The following FSTL5 variants were observed in gnomAD, a reference collection of about 807,000 sequenced individuals.
FSTL5 encodes the protein follistatin like 5.
A neutral mutation model predicts 89.1 loss-of-function variants in FSTL5; 62 were observed. The observed-to-expected ratio is 0.70, with a 90% CI of 0.57 to 0.86. The LOEUF is 0.86. FSTL5 is among the 40% of genes least tolerant of loss of function. The probability of loss-of-function intolerance (pLI) is 0.00; values close to 1 mark genes in which losing one functional copy is unlikely to be tolerated. For synonymous variants in FSTL5, 383 were observed against 346.2 expected (o/e 1.11, Z -1.18); for missense variants, 1,057 against 1,001.6 (o/e 1.06, Z -0.75).
chr4:161,848,127 C>G (rs1427453337), intron 4 of FSTL5, among the ~76,000 whole-genome samples: 2 of 150,410 alleles, frequency 1.3e-5, no homozygotes, highest in Non-Finnish European at 3.0e-5. Context: ...AGGTAATCGT[C>G]TGCAGCATTG....
intron 6 of FSTL5, among the ~76,000 whole-genome samples, chr4:161,714,409 ACAGACATAAAACATTC>A (rs1390462693): frequency 6.6e-6 from 1 of 151,976 alleles, no homozygotes; most frequent in African/African-American, 2.4e-5. Context: ...TACTTAATAT[ACAGACATAAAACATTC>A]CAGAAATAAT....
chr4:161,957,601 A>G (rs751819733), intron 3 of FSTL5, among the ~76,000 whole-genome samples: 6 of 152,110 alleles, frequency 3.9e-5, no homozygotes, highest in Non-Finnish European at 7.4e-5. Context: ...GGGGAGGCAG[A>G]CATGCAGAAA....
At chr4:161,488,769 A>G (rs1729766623) in intron 12 of FSTL5, among the ~76,000 whole-genome samples, 1 of 152,166 alleles carries the variant, frequency 6.6e-6, no homozygotes, top group East Asian at 1.9e-4. Flanking sequence ...AAATTATAAC[A>G]GTCTACATGT....
chr4:161,831,922 A>G (rs1025888263), intron 4 of FSTL5, among the ~76,000 whole-genome samples: 4 of 151,966 alleles, frequency 2.6e-5, no homozygotes, highest in Admixed American at 2.0e-4. Context: ...GAAAATAATG[A>G]CTTGTGGCTT....
chr4:161,977,922 C>T (rs1735711497), intron 3 of FSTL5, among the ~76,000 whole-genome samples: 1 of 151,986 alleles, frequency 6.6e-6, no homozygotes, highest in South Asian at 2.1e-4. Flanking sequence ...GTTTATATTA[C>T]CACAAGAAAT....
intron 4 of FSTL5, among the ~76,000 whole-genome samples, chr4:161,851,738 T>C (rs576582644): frequency 3.3e-4 from 33 of 99,744 alleles, no homozygotes; most frequent in African/African-American, 1.2e-3. Flanking sequence ...ATTTCCTCTA[T>C]TATTTAGAGA....
chr4:161,860,424 A>G (rs1731874419), intron 4 of FSTL5, among the ~76,000 whole-genome samples: 1 of 152,228 alleles, frequency 6.6e-6, no homozygotes, highest in South Asian at 2.1e-4. Flanking sequence ...GGGTGTTACA[A>G]CAAAAGCATG....
intron 4 of FSTL5, among the ~76,000 whole-genome samples, chr4:161,910,322 T>G (rs893865489): frequency 2.0e-5 from 3 of 152,140 alleles, no homozygotes; most frequent in Non-Finnish European, 4.4e-5. Context: ...TCATCTTAAC[T>G]ATACAGTCCC....
intron 12 of FSTL5, among the ~76,000 whole-genome samples, chr4:161,496,787 A>AAGATAGAGATAG (rs70937658): frequency 0.16 from 22,693 of 143,514 alleles, 2,039 homozygotes; most frequent in South Asian, 0.22. Flanking sequence ...GATAGAGAAA[A>AAGATAGAGATAG]AGATAGAGAT....
chr4:162,143,739 CACACACACA>C (rs769055240), intron 1 of FSTL5, among the ~76,000 whole-genome samples: 2 of 134,976 alleles, frequency 1.5e-5, no homozygotes, highest in Non-Finnish European at 1.6e-5. Flanking sequence ...CACACACACA[CACACACACA>C]CCCAGGAAAA....
At chr4:161,687,013 C>G (rs982508883) in intron 6 of FSTL5, among the ~76,000 whole-genome samples, 4 of 152,006 alleles carry the variant, frequency 2.6e-5, no homozygotes, top group African/African-American at 7.2e-5. Context: ...AAAACACACC[C>G]CACACACAAA....
intron 13 of FSTL5, 76 bp from the exon 14 acceptor site, chr4:161,459,395 T>A: frequency 3.0e-5 from 20 of 666,394 alleles, no homozygotes; most frequent in Middle Eastern, 2.9e-4. Context: ...ATTATGAAGA[T>A]TCTAATTTAG....
chr4:161,858,328 T>G (rs1190269270), intron 4 of FSTL5, among the ~76,000 whole-genome samples: 52 of 152,304 alleles, frequency 3.4e-4, no homozygotes, highest in Non-Finnish European at 4.4e-5. Flanking sequence ...GGTATTTTGT[T>G]ATAGCAGCCT....
chr4:161,386,071 A>G lies in FSTL5; in HGVS notation c.2220T>C (p.Ser740=). The stretch of plus-strand genomic sequence containing the variant: ...TAAAGGATGGTTGAAATGCCAGATC[A>G]GATATGTGCAGATTTGTGTAAATAT... ...AFDIYTNLHI[S]DLAFQPSFTE... is the part of the protein sequence containing the mutation. Residue 740 remains serine, a synonymous_variant, in exon 16 of 16, where the codon TCT becomes TCC. Transcript: ENST00000306100. The G allele has an allele frequency of 6.2e-7, 1 of 1,614,058 alleles. No homozygotes were observed. Among genetic ancestry groups the G allele is most frequent in the Middle Eastern group, 1.7e-4 (1 of 6,060 alleles).
chr4:161,464,317 G>A (rs1050118700), intron 13 of FSTL5, among the ~76,000 whole-genome samples: 1 of 152,044 alleles, frequency 6.6e-6, no homozygotes, highest in Non-Finnish European at 1.5e-5. Context: ...CTTTTGGAGG[G>A]TCTTTCCTTG....
intron 3 of FSTL5, among the ~76,000 whole-genome samples, chr4:161,996,337 C>T (rs1317446342): frequency 1.3e-5 from 2 of 152,178 alleles, no homozygotes; most frequent in Non-Finnish European, 2.9e-5. Flanking sequence ...TTTCTGGATT[C>T]TTCTAAGCAA....
In FSTL5 at chr4:162,090,991, C is replaced by G. The variant is rs145111384; in HGVS notation, c.126+20280G>C. The stretch of plus-strand genomic sequence containing the variant: ...CCTTTCTGCTCCTCATGTTTTTAAA[C>G]TGAGTCACTGCCTCTGCCTTCTTCT... On this transcript the variant is annotated intron_variant, in intron 2 of 15. Transcript: ENST00000306100. 1.2e-3 allele frequency among the ~76,000 whole-genome samples: 184 copies of G among 152,252 alleles called. 1 individual carries two copies. Among genetic ancestry groups the G allele is most frequent in the African/African-American group, 4.3e-3 (178 of 41,546 alleles).
Position 162,065,808 on chromosome 4 carries a change from C to T in FSTL5, c.127-32150G>A, listed in dbSNP as rs1417158277. Among the ~76,000 whole-genome samples, 2 of 151,982 alleles carry T rather than the reference C, an allele frequency of 1.3e-5. 1 individual carries two copies. The highest frequency in any genetic ancestry group is 3.9e-4 in the East Asian group (2 of 5,144). ...CACAACAGCCAAAGTATAAAAATTA[C>T]CCAAAATTGATTATGTTATCATTAT... On this transcript the variant is annotated intron_variant, in intron 2 of 15. Transcript: ENST00000306100.
rs141070366 is a variant in FSTL5, at chr4:161,481,952, A to T, written c.1459-783T>A. On this transcript the variant is annotated intron_variant, in intron 12 of 15. Coordinates refer to ENST00000306100, the MANE Select transcript of FSTL5 (RefSeq NM_020116.5). The stretch of plus-strand genomic sequence containing the variant: ...AAGTAAAAGCGTATGAAATGTTTTC[A>T]CGTTTTCTTTTATTCACTGTTCCAT... 3.6e-3 allele frequency among the ~76,000 whole-genome samples: 553 copies of T among 152,322 alleles called. 1 individual carries two copies. Among genetic ancestry groups the T allele is most frequent in the Middle Eastern group, 6.8e-3 (2 of 294 alleles).
Sources: gnomAD v4.1 joint callset for allele counts (sites outside exome capture counted in the v4.1 genomes callset) on GRCh38, gnomAD v4.1.1 for gene constraint, MANE v1.5 for transcripts, NCBI Gene and HGNC (gene_info 2026-07-23, HGNC 2026-07-21) for gene names.